BIN1: variants seen among roughly 807,000 people sequenced by gnomAD.
BIN1 encodes the protein bridging integrator 1, also known as myc box-dependent-interacting protein 1.
Under a neutral mutation model 82.0 loss-of-function variants are expected in BIN1, and 53 were observed. The ratio of observed to expected loss-of-function variants is 0.65; its 90% CI spans 0.52 to 0.81. The LOEUF (loss-of-function observed/expected upper bound fraction) is 0.81, where lower values mean the gene tolerates loss of function less well. BIN1 is among the 40% of genes least tolerant of loss of function. The probability of loss-of-function intolerance (pLI) is 0.00; values close to 1 mark genes in which losing one functional copy is unlikely to be tolerated. For synonymous variants in BIN1, 302 were observed against 328.0 expected (o/e 0.92, Z 0.86); for missense variants, 642 against 784.4 (o/e 0.82, Z 2.17).
At chr2:127,072,255 C>T (rs150833590) in intron 2 of BIN1, among the ~76,000 whole-genome samples, 9 of 152,362 alleles carry the variant, frequency 5.9e-5, no homozygotes, top group Non-Finnish European at 1.3e-4. Context: ...CACCCTGAAA[C>T]CCTCTTCTGT....
At chr2:127,053,767 G>A (rs1398504036) in intron 13 of BIN1, 138 bp downstream of exon 13, 2 of 846,848 alleles carry the variant, frequency 2.4e-6, no homozygotes, top group African/African-American at 1.7e-5. Flanking sequence ...AGGAGGTGAT[G>A]AGGGCTGAAG....
chr2:127,050,725 A>T (rs1242664472), intron 17 of BIN1, 77 bp downstream of exon 17: 2 of 1,519,940 alleles, frequency 1.3e-6, no homozygotes, highest in South Asian at 1.1e-5. Flanking sequence ...CAAACCACAG[A>T]GTCTCCTGAG....
intron 1 of BIN1, among the ~76,000 whole-genome samples, chr2:127,106,244 G>C (rs1573846372): frequency 6.6e-6 from 1 of 152,352 alleles, no homozygotes; most frequent in East Asian, 1.9e-4. Flanking sequence ...TGGGCTCCCG[G>C]TGGGGCCGGG....
chr2:127,101,988 C>G (rs377281177), intron 1 of BIN1, among the ~76,000 whole-genome samples: 1 of 152,284 alleles, frequency 6.6e-6, no homozygotes, highest in East Asian at 1.9e-4. Flanking sequence ...TGCCGCTCTG[C>G]CACAGAGCTG....
At chr2:127,105,289 C>G (rs1680893190) in intron 1 of BIN1, among the ~76,000 whole-genome samples, 1 of 152,168 alleles carries the variant, frequency 6.6e-6, no homozygotes, top group Non-Finnish European at 1.5e-5. Flanking sequence ...CCATTCATCT[C>G]CCTGGCCCTT....
At chr2:127,060,651 G>T in intron 10 of BIN1, 1 of 1,614,108 alleles carries the variant, frequency 6.2e-7, no homozygotes, top group Non-Finnish European at 8.5e-7. Context: ...CTGTGGGGAC[G>T]GACGGGAGGT....
chr2:127,061,026 C>A (rs74917089), intron 10 of BIN1, among the ~76,000 whole-genome samples: 2,150 of 152,262 alleles, frequency 0.014, 49 homozygotes, highest in African/African-American at 0.048. Context: ...GCCTCTACTG[C>A]CCCTCTCTCT....
chr2:127,077,793 A>G (rs1445756292), intron 1 of BIN1, among the ~76,000 whole-genome samples: 1 of 152,212 alleles, frequency 6.6e-6, no homozygotes. Flanking sequence ...ACCCGTCTGC[A>G]GCCAAAGAGG....
intron 1 of BIN1, among the ~76,000 whole-genome samples, chr2:127,083,414 G>A (rs1406864153): frequency 6.6e-6 from 1 of 152,122 alleles, no homozygotes; most frequent in Non-Finnish European, 1.5e-5. Flanking sequence ...TCCTGCATTT[G>A]TATGTTTGCC....
chr2:127,054,443 C>A (rs1057186342), intron 12 of BIN1: 5 of 242,778 alleles, frequency 2.1e-5, no homozygotes, highest in Non-Finnish European at 3.3e-5. Flanking sequence ...ATCTTGCTAC[C>A]CCCCAGTGGC....
chr2:127,068,851 C>A lies in BIN1; in HGVS notation c.519+73G>T, dbSNP rs911646420. On this transcript the variant is annotated intron_variant, in intron 6 of 18. Transcript: ENST00000316724. This position sits in a 1 kb window ranked among gnomAD's most constrained non-coding sequence, Gnocchi z 4.9. The stretch of plus-strand genomic sequence containing the variant: ...GGGGCCAGGCAGGAGGAAGCCTCCA[C>A]CCTCGGGGTCCTAGACACCCGCCCT... The A allele has an allele frequency of 3.1e-5, 44 of 1,421,200 alleles. 2 individuals are homozygous for A. In the South Asian group the frequency reaches 5.0e-4, roughly 16 times the overall value. 88.0% of individuals were successfully genotyped at this position (1,421,200 alleles called of 1,614,324 possible).
In BIN1 at chr2:127,090,332, T is replaced by G. The variant is rs1157420738; in HGVS notation, c.85-13626A>C. On this transcript the variant is annotated intron_variant, in intron 1 of 18. Coordinates refer to ENST00000316724, the MANE Select transcript of BIN1 (RefSeq NM_139343.3). The surrounding 1 kb of genome is among the most constrained non-coding windows in gnomAD (Gnocchi z 6.4). ...GAGCCCTGATGGGCCTTGCTACTACTCCACATCCCAGTGCCACCCCCGCAG... is the reference window on the plus strand; with the variant it reads ...GAGCCCTGATGGGCCTTGCTACTACGCCACATCCCAGTGCCACCCCCGCAG... Among the ~76,000 whole-genome samples the G allele has an allele frequency of 6.6e-6, 1 of 152,134 alleles. No individual in the cohort carries two copies. The highest frequency in any genetic ancestry group is 1.5e-5 in the Non-Finnish European group (1 of 68,012).
chr2:127,092,773 C>T (rs1679099000), intron 1 of BIN1, among the ~76,000 whole-genome samples: 1 of 152,226 alleles, frequency 6.6e-6, no homozygotes. Context: ...AGGGCCAACA[C>T]AGTGCAGTGC....
Position 127,068,404 on chromosome 2 carries a change from T to C in BIN1, c.520-149A>G. 4 of 386,046 alleles carry C rather than the reference T, an allele frequency of 1.0e-5. No homozygotes were observed. Among genetic ancestry groups the C allele is most frequent in the East Asian group, 6.2e-5 (1 of 16,098 alleles). 23.9% of individuals were successfully genotyped at this position (386,046 alleles called of 1,614,324 possible). A position where few individuals can be genotyped will look rare whatever the true frequency, so the allele number is the denominator to read the frequency against. On this transcript the variant is annotated intron_variant, in intron 6 of 18. Transcript: ENST00000316724. This position sits in a 1 kb window ranked among gnomAD's most constrained non-coding sequence, Gnocchi z 4.9. ...TATGGGCCCTTGAGGCCGAGAGAAT[T>C]AGGGGGAGCCCGGGGGGTAAGGAAA...
At position 127,090,032 on chromosome 2, in the gene BIN1, G is replaced by T. The variant is rs185098954; in HGVS notation, c.85-13326C>A. Among the ~76,000 whole-genome samples the T allele has an allele frequency of 7.0e-5, 10 of 142,406 alleles. No individual in the cohort carries two copies. Among genetic ancestry groups the T allele is most frequent in the African/African-American group, 2.6e-4 (10 of 38,382 alleles). The allele number at this position is 142,406 out of a possible 152,430, so 93.4% of individuals were successfully genotyped here. ...AAGCCTTCCCCGCACCTGCCGCCCA[G>T]TGCACCTGCTCCTGCGGCTCACAGT... On this transcript the variant is annotated intron_variant, in intron 1 of 18. Transcript: ENST00000316724. This position sits in a 1 kb window ranked among gnomAD's most constrained non-coding sequence, Gnocchi z 6.4.
chr2:127,051,034 C>T (rs1184817735), intron 16 of BIN1, 120 bp downstream of exon 16: 8 of 1,514,754 alleles, frequency 5.3e-6, no homozygotes, highest in Non-Finnish European at 6.4e-6. Flanking sequence ...ACCGGCCCGC[C>T]TCCAGCTTCC....
intron 1 of BIN1, among the ~76,000 whole-genome samples, chr2:127,083,121 A>G (rs1345610334): frequency 8.4e-6 from 1 of 119,020 alleles, no homozygotes; most frequent in African/African-American, 3.2e-5. Context: ...TTTTCTTGCT[A>G]TGTCGTCCAA....
At chr2:127,060,646 G>A in intron 10 of BIN1, 1 of 1,614,178 alleles carries the variant, frequency 6.2e-7, no homozygotes. Flanking sequence ...TCTTTCTGTG[G>A]GGACGGACGG....
chr2:127,063,458 T>A, intron 9 of BIN1, 113 bp downstream of exon 9: 3 of 1,154,994 alleles, frequency 2.6e-6, no homozygotes, highest in Middle Eastern at 2.4e-4. Context: ...TGGTCACCGG[T>A]GTGTGCTGAA....
Sources: gnomAD v4.1 joint callset for allele counts (sites outside exome capture counted in the v4.1 genomes callset) on GRCh38, gnomAD v4.1.1 for gene constraint, Gnocchi (gnomAD v3.1) non-coding constraint, MANE v1.5 for transcripts, NCBI Gene and HGNC (gene_info 2026-07-23, HGNC 2026-07-21) for gene names.